SUPT3H: variants seen among roughly 807,000 people sequenced by gnomAD.
SUPT3H encodes transcription initiation protein SPT3 homolog.
In SUPT3H, 44 loss-of-function variants were observed where a neutral mutation model predicts 44.3. The ratio of observed to expected loss-of-function variants is 0.99; its 90% CI spans 0.78 to 1.28. The LOEUF (loss-of-function observed/expected upper bound fraction) is 1.28, where lower values mean the gene tolerates loss of function less well. SUPT3H is among the 50% of genes most tolerant of loss of function. The pLI is 0.00. For synonymous variants in SUPT3H, 124 were observed against 125.6 expected, an observed-to-expected ratio of 0.99 and a Z score of 0.09; for missense variants, 380 against 387.1, an observed-to-expected ratio of 0.98 and a Z score of 0.15.
intron 2 of SUPT3H, among the ~76,000 whole-genome samples, chr6:45,207,537 T>C (rs1763387024): frequency 6.6e-6 from 1 of 152,186 alleles, no homozygotes; most frequent in Non-Finnish European, 1.5e-5. Flanking sequence ...TTAAGATGAG[T>C]AAAATTCATG....
intron 2 of SUPT3H, among the ~76,000 whole-genome samples, chr6:45,354,869 A>C (rs1278899939): frequency 6.6e-6 from 1 of 152,152 alleles, no homozygotes; most frequent in Non-Finnish European, 1.5e-5. Flanking sequence ...ATTAAGTAAA[A>C]ACCCAAGTTA....
chr6:45,194,145 T>G (rs1815614528), intron 2 of SUPT3H, among the ~76,000 whole-genome samples: 1 of 152,234 alleles, frequency 6.6e-6, no homozygotes, highest in Non-Finnish European at 1.5e-5. Context: ...AACAGGATTC[T>G]GTCAAACTTT....
chr6:44,966,919 C>A (rs1450057839), intron 6 of SUPT3H, among the ~76,000 whole-genome samples: 2 of 152,182 alleles, frequency 1.3e-5, no homozygotes, highest in African/African-American at 4.8e-5. Context: ...CAGACGGCCA[C>A]ATGAATGTAA....
At chr6:45,333,376 G>A (rs1581659317) in intron 2 of SUPT3H, among the ~76,000 whole-genome samples, 1 of 151,448 alleles carries the variant, frequency 6.6e-6, no homozygotes, top group South Asian at 2.1e-4. Flanking sequence ...ACTGTTTTAA[G>A]ACCTGTATAG....
intron 2 of SUPT3H, among the ~76,000 whole-genome samples, chr6:45,252,605 G>A (rs933297580): frequency 6.6e-6 from 1 of 151,806 alleles, no homozygotes; most frequent in Non-Finnish European, 1.5e-5. Context: ...ATTTGAAAGG[G>A]TTAAGAGTTC....
chr6:45,371,797 C>T (rs1196651452), intron 1 of SUPT3H: 4 of 978,802 alleles, frequency 4.1e-6, no homozygotes, highest in Non-Finnish European at 4.9e-6. Context: ...AACATATATG[C>T]AAATTGGTGG....
Position 45,071,025 on chromosome 6 carries a change from A to G in SUPT3H, c.186+34897T>C, listed in dbSNP as rs1440635325. ...TACTATTAAAATAAATATGATAAAA[A>G]GTAATCAAACCAATACAGAAAAAAG... On this transcript the variant is annotated intron_variant, in intron 3 of 10. Transcript: ENST00000371459. Among the ~76,000 whole-genome samples, 3 of 152,196 alleles carry G rather than the reference A, an allele frequency of 2.0e-5. No homozygotes were observed. In the East Asian group the frequency reaches 5.8e-4, roughly 29 times the overall value.
chr6:45,265,244 T>C (rs1052844084), intron 2 of SUPT3H, among the ~76,000 whole-genome samples: 10 of 152,184 alleles, frequency 6.6e-5, no homozygotes, highest in Admixed American at 2.0e-4. Context: ...CTAAACATAA[T>C]TGAAAATTTT....
At chr6:45,019,463 C>T (rs888135893) in intron 4 of SUPT3H, among the ~76,000 whole-genome samples, 2 of 151,972 alleles carry the variant, frequency 1.3e-5, no homozygotes, top group Non-Finnish European at 2.9e-5. Flanking sequence ...TTGGATCTTT[C>T]CTGCTTTCTC....
At chr6:44,943,595 A>G (rs1247446979) in intron 9 of SUPT3H, among the ~76,000 whole-genome samples, 1 of 152,140 alleles carries the variant, frequency 6.6e-6, no homozygotes, top group African/African-American at 2.4e-5. Context: ...TATGGATATC[A>G]TGGCCAAACA....
chr6:45,197,099 A>T (rs1356275406), intron 2 of SUPT3H, among the ~76,000 whole-genome samples: 31 of 151,670 alleles, frequency 2.0e-4, no homozygotes, highest in Admixed American at 2.0e-3. Flanking sequence ...ATTCTTCAAT[A>T]CTCATTTCTC....
At chr6:45,253,045 G>A (rs570887182) in intron 2 of SUPT3H, among the ~76,000 whole-genome samples, 44 of 151,096 alleles carry the variant, frequency 2.9e-4, no homozygotes, top group Non-Finnish European at 5.9e-4. Flanking sequence ...GCATGACATC[G>A]AAGCTAGAAA....
intron 2 of SUPT3H, among the ~76,000 whole-genome samples, chr6:45,244,430 T>C (rs377375086): frequency 6.6e-6 from 1 of 152,284 alleles, no homozygotes; most frequent in African/African-American, 2.4e-5. Flanking sequence ...TTTTCCCAAA[T>C]AGCTTTAGGA....
At chr6:45,223,451 G>A (rs1766397056) in intron 2 of SUPT3H, among the ~76,000 whole-genome samples, 1 of 151,968 alleles carries the variant, frequency 6.6e-6, no homozygotes, top group Non-Finnish European at 1.5e-5. Flanking sequence ...TCAGTAAGGT[G>A]TGCCATACTA....
intron 6 of SUPT3H, among the ~76,000 whole-genome samples, chr6:44,990,478 T>TG (rs1780461702): frequency 1.3e-5 from 2 of 151,966 alleles, no homozygotes; most frequent in South Asian, 4.2e-4. Context: ...GAGATCAGGG[T>TG]GTGATGCCTC....
chr6:44,885,506 T>A (rs961504136), intron 10 of SUPT3H, among the ~76,000 whole-genome samples: 5 of 152,140 alleles, frequency 3.3e-5, no homozygotes, highest in African/African-American at 1.2e-4. Flanking sequence ...AGGCAAACAG[T>A]GACTGGAGTG....
chr6:44,971,687 T>A (rs1287156820), intron 6 of SUPT3H, among the ~76,000 whole-genome samples: 2 of 152,154 alleles, frequency 1.3e-5, no homozygotes, highest in East Asian at 3.9e-4. Flanking sequence ...CAAACCATAT[T>A]AATTCCATCC....
At chr6:45,266,573 T>A (rs1180993125) in intron 2 of SUPT3H, among the ~76,000 whole-genome samples, 1 of 151,962 alleles carries the variant, frequency 6.6e-6, no homozygotes, top group East Asian at 1.9e-4. Flanking sequence ...TTTGAATGTA[T>A]ATTAAATTAT....
At chr6:44,823,955 C>T (rs896148949), downstream of SUPT3H, among the ~76,000 whole-genome samples, 2 of 152,096 alleles carry the variant, frequency 1.3e-5, no homozygotes, top group African/African-American at 2.4e-5. Context: ...AAGAGTGAAA[C>T]TCTGTCTCAA....
Sources: gnomAD v4.1 joint callset for allele counts (sites outside exome capture counted in the v4.1 genomes callset) on GRCh38, gnomAD v4.1.1 for gene constraint, MANE v1.5 for transcripts, NCBI Gene and HGNC (gene_info 2026-07-23, HGNC 2026-07-21) for gene names.